Variants in GNA13 observed in about 807,000 individuals in gnomAD.
The protein encoded by GNA13 is G protein subunit alpha 13, also known as guanine nucleotide-binding protein subunit alpha-13.
In GNA13, 4 loss-of-function variants were observed where a neutral mutation model predicts 33.5. That is an observed-to-expected ratio of 0.12 (90% CI 0.06 to 0.27). GNA13 has a LOEUF of 0.27. Ranked by LOEUF, GNA13 falls within the 10% of genes least tolerant of loss-of-function variation. The pLI is 1.00. For missense variants in GNA13, 319 were observed against 487.2 expected, an observed-to-expected ratio of 0.65 and a Z score of 3.25; for synonymous variants, 176 against 183.8, an observed-to-expected ratio of 0.96 and a Z score of 0.34.
chr17:65,018,934 T>C (rs892621536), intron 2 of GNA13, among the ~76,000 whole-genome samples: 1 of 152,154 alleles, frequency 6.6e-6, no homozygotes, highest in Non-Finnish European at 1.5e-5. Flanking sequence ...CGAGAATACA[T>C]TCCTAACATG....
Position 65,053,522 on chromosome 17 carries a change from G to C in GNA13, c.490C>G (p.Arg164Gly), listed in dbSNP as rs768361426. Reference sequence around the variant, plus strand: ...CTTACCAGTTGAAATTCTCGACGCCGGTCATAGGCATTCTGTATGCCGCTG... The same window carrying C: ...CTTACCAGTTGAAATTCTCGACGCCCGTCATAGGCATTCTGTATGCCGCTG... ...ADSGIQNAYD[R>G]RREFQLGESV... is the part of the protein sequence containing the mutation. Residue 164 changes from arginine to glycine, a missense_variant, in exon 2 of 4, where the codon CGG becomes GGG. Physicochemically the swap from Arg to Gly is moderately radical, Grantham distance 125. This residue lies in a region of GNA13 where 136 missense variants were observed against 159.3 expected (regional missense o/e 0.85). Transcript: ENST00000439174. The C allele has an allele frequency of 6.2e-7, 1 of 1,605,536 alleles. No individual in the cohort carries two copies. Among genetic ancestry groups the C allele is most frequent in the Non-Finnish European group, 8.5e-7 (1 of 1,172,146 alleles).
rs923229124 is a variant in GNA13, at chr17:65,009,685, C to T, written c.*4572G>A. 2.0e-5 allele frequency among the ~76,000 whole-genome samples: 3 copies of T among 152,158 alleles called. No homozygotes were observed. The highest frequency in any genetic ancestry group is 2.0e-4 in the Admixed American group (3 of 15,266). On this transcript the variant is annotated 3_prime_UTR_variant, in exon 4 of 4. Coordinates refer to ENST00000439174, the MANE Select transcript of GNA13 (RefSeq NM_006572.6). ...TAAGGCTTCTTGTGGTAAATGAGCT[C>T]TCACCAGAGTAGAGTAGTTTAGAAA...
In GNA13 at chr17:65,044,675, G is replaced by A. The variant is rs77896859; in HGVS notation, c.510+8827C>T. ...AAAAAAAAAAGAAAAAACTTTGTGAGAAATTGCAATCTCGAGTGCTCACAG... is the reference window on the plus strand; with the variant it reads ...AAAAAAAAAAGAAAAAACTTTGTGAAAAATTGCAATCTCGAGTGCTCACAG... On this transcript the variant is annotated intron_variant, in intron 2 of 3. Transcript: ENST00000439174. 2.0e-3 allele frequency among the ~76,000 whole-genome samples: 304 copies of A among 151,790 alleles called. 2 individuals are homozygous for A. Among genetic ancestry groups the A allele is most frequent in the African/African-American group, 7.0e-3 (290 of 41,418 alleles).
intron 2 of GNA13, among the ~76,000 whole-genome samples, chr17:65,039,549 GT>G (rs1305004959): frequency 6.6e-6 from 1 of 152,158 alleles, no homozygotes; most frequent in Non-Finnish European, 1.5e-5. Flanking sequence ...CCAGCAGTAA[GT>G]TTTTTTCCAA....
At chr17:65,051,791 C>A (rs1419842540) in intron 2 of GNA13, 1 of 152,200 alleles carries the variant, frequency 6.6e-6, no homozygotes. Context: ...TCATTTTCAA[C>A]ATGCAATACT....
At position 65,012,556 on chromosome 17, in the gene GNA13, A is replaced by T. The variant is rs1906232413; in HGVS notation, c.*1701T>A. Reference sequence around the variant, plus strand: ...TGGATTACCATGGCATGAAAATGCTAGAAGTTATATGGATACAATGATAGT... The same window carrying T: ...TGGATTACCATGGCATGAAAATGCTTGAAGTTATATGGATACAATGATAGT... On this transcript the variant is annotated 3_prime_UTR_variant, in exon 4 of 4. Coordinates refer to ENST00000439174, the MANE Select transcript of GNA13 (RefSeq NM_006572.6). The T allele has an allele frequency of 4.5e-6, 1 of 220,224 alleles. No homozygotes were observed. Among genetic ancestry groups the T allele is most frequent in the Admixed American group, 5.8e-5 (1 of 17,304 alleles). The allele number at this position is 220,224 out of a possible 1,614,324, so 13.6% of individuals were successfully genotyped here.
At chr17:65,018,706 G>T (rs9890987) in intron 2 of GNA13, among the ~76,000 whole-genome samples, 16,017 of 152,054 alleles carry the variant, frequency 0.11, 2,805 homozygotes, top group African/African-American at 0.36. Flanking sequence ...TAATAGTGAC[G>T]ATAGTTATCT....
At position 65,045,522 on chromosome 17, in the gene GNA13, A is replaced by C. The variant is rs560379289; in HGVS notation, c.510+7980T>G. ...GACTCTGTCTCAAAAAAAAAAAAAA[A>C]AAAAAACCAAACTGTTTCCACTGAT... On this transcript the variant is annotated intron_variant, in intron 2 of 3. Transcript: ENST00000439174. Among the ~76,000 whole-genome samples, 601 of 151,430 alleles carry C rather than the reference A, an allele frequency of 4.0e-3. 2 individuals carry two copies. The highest frequency in any genetic ancestry group is 6.4e-3 in the Admixed American group (98 of 15,202).
chr17:65,056,423 G>C lies in GNA13; in HGVS notation c.171C>G (p.Gly57=), dbSNP rs1016609034. The change falls in exon 1 of 4, where the codon GGC becomes GGG. Residue 57 remains glycine (G), a synonymous_variant. Coordinates refer to ENST00000439174, the MANE Select transcript of GNA13 (RefSeq NM_006572.6). ...TCAGGAAGGTGGACTTGCCGCTCTCGCCCGCGCCCAGCAGCAGGATCTTCA... is the reference window on the plus strand; with the variant it reads ...TCAGGAAGGTGGACTTGCCGCTCTCCCCCGCGCCCAGCAGCAGGATCTTCA... The part of the protein sequence containing the change: ...RLVKILLLGA[G]ESGKSTFLKQ... The C allele has an allele frequency of 3.7e-6, 6 of 1,613,654 alleles. No homozygotes were observed. In the African/African-American group the frequency reaches 8.0e-5, roughly 22 times the overall value.
intron 2 of GNA13, among the ~76,000 whole-genome samples, chr17:65,033,295 G>A (rs1315647313): frequency 1.3e-5 from 2 of 151,332 alleles, no homozygotes; most frequent in African/African-American, 4.9e-5. Context: ...GACCAGCCTG[G>A]GCAACAAAGC....
intron 2 of GNA13, among the ~76,000 whole-genome samples, chr17:65,042,084 C>T (rs1167050836): frequency 1.3e-5 from 2 of 152,102 alleles, no homozygotes; most frequent in Non-Finnish European, 2.9e-5. Context: ...ACCAGCCAGC[C>T]GCGGTGGCTC....
intron 3 of GNA13, among the ~76,000 whole-genome samples, chr17:65,017,712 A>G (rs2143771470): frequency 6.6e-6 from 1 of 152,274 alleles, no homozygotes; most frequent in East Asian, 1.9e-4. Context: ...TTTTAAATCT[A>G]GCCCTCCTAC....
At chr17:65,039,855 A>G (rs1433294114) in intron 2 of GNA13, among the ~76,000 whole-genome samples, 1 of 152,252 alleles carries the variant, frequency 6.6e-6, no homozygotes, top group Non-Finnish European at 1.5e-5. Flanking sequence ...GGTGTTCAGT[A>G]ACACGTGACT....
In GNA13 at chr17:65,018,092, TAAAAAAAAAAAAAAAAAAAAAA is replaced by T. The variant is rs767082596; in HGVS notation, c.561+139_561+160del. Among the ~76,000 whole-genome samples the T allele has an allele frequency of 4.0e-3, 85 of 21,510 alleles. 4 individuals are homozygous for T. The highest frequency in any genetic ancestry group is 0.012 in the Admixed American group (22 of 1,872). The allele number at this position is 21,510 out of a possible 152,430, so 14.1% of individuals were successfully genotyped here. On this transcript the variant is annotated intron_variant, in intron 3 of 3. Coordinates refer to ENST00000439174, the MANE Select transcript of GNA13 (RefSeq NM_006572.6). ...CAGAGAAGAATCAGAACGCCACCACTAAAAAAAAAAAAAAAAAAAAAAAAAAAAAAAAAAAAAAAAAAAAAAA... is the reference window on the plus strand; with the variant it reads ...CAGAGAAGAATCAGAACGCCACCACTAAAAAAAAAAAAAAAAAAAAAAAAA...
intron 2 of GNA13, among the ~76,000 whole-genome samples, chr17:65,051,076 A>AGT (rs1907842781): frequency 6.6e-6 from 1 of 152,228 alleles, no homozygotes; most frequent in East Asian, 1.9e-4. Flanking sequence ...AAATTAAAAA[A>AGT]CTGTCCATGA....
At position 65,045,437 on chromosome 17, in the gene GNA13, C is replaced by G. The variant is rs149261991; in HGVS notation, c.510+8065G>C. On this transcript the variant is annotated intron_variant, in intron 2 of 3. Transcript: ENST00000439174. The stretch of plus-strand genomic sequence containing the variant: ...TGGGAGGCTGGGTCAGGGCTTGAAC[C>G]TGGGAAGTGGAAGATGCAATGAGCT... Among the ~76,000 whole-genome samples, 1,043 of 136,170 alleles carry G rather than the reference C, an allele frequency of 7.7e-3. 13 individuals are homozygous for G. The highest frequency in any genetic ancestry group is 0.027 in the African/African-American group (994 of 37,308). 89.3% of individuals were successfully genotyped at this position (136,170 alleles called of 152,430 possible).
intron 2 of GNA13, among the ~76,000 whole-genome samples, chr17:65,037,413 T>C (rs1211708430): frequency 2.0e-5 from 3 of 152,192 alleles, no homozygotes; most frequent in Non-Finnish European, 4.4e-5. Context: ...GGGCACCTGC[T>C]GCCATAGTCA....
intron 1 of GNA13, 71 bp downstream of exon 1, chr17:65,056,240 C>G: frequency 1.1e-6 from 1 of 929,436 alleles, no homozygotes; most frequent in African/African-American, 1.6e-5. Context: ...CAGGGCGGTG[C>G]CCCGCCCCGC....
At chr17:65,023,012 A>C (rs1055822630) in intron 2 of GNA13, among the ~76,000 whole-genome samples, 1 of 152,222 alleles carries the variant, frequency 6.6e-6, no homozygotes, top group Admixed American at 6.5e-5. Context: ...TTACTTAGGG[A>C]ATCAATGCCA....
Sources: gnomAD v4.1 joint callset for allele counts (sites outside exome capture counted in the v4.1 genomes callset) on GRCh38, gnomAD v4.1.1 for gene constraint, gnomAD v4.1.1 regional missense constraint, MANE v1.5 for transcripts, NCBI Gene and HGNC (gene_info 2026-07-23, HGNC 2026-07-21) for gene names.